Variants in TRPC6 observed in about 807,000 individuals in gnomAD.
TRPC6 encodes short transient receptor potential channel 6.
In TRPC6, 55 loss-of-function variants were observed where a neutral mutation model predicts 90.7. That is an observed-to-expected ratio of 0.61 (90% CI 0.49 to 0.76). The LOEUF (loss-of-function observed/expected upper bound fraction) is 0.76. Among genes scored for constraint, TRPC6 ranks in the 30% least tolerant of loss-of-function variants. TRPC6 has a pLI of 0.00. For missense variants in TRPC6, 989 were observed against 1,122.7 expected (o/e 0.88, Z 1.70); for synonymous variants, 393 against 393.0 (o/e 1.00, Z 0.00).
intron 1 of TRPC6, among the ~76,000 whole-genome samples, chr11:101,559,922 A>G (rs1419991831): frequency 2.0e-5 from 3 of 151,884 alleles, no homozygotes; most frequent in African/African-American, 7.3e-5. Flanking sequence ...GCTGAGAATG[A>G]TGGTTTCCAG....
intron 1 of TRPC6, among the ~76,000 whole-genome samples, chr11:101,521,523 G>A (rs1393673932): frequency 6.6e-6 from 1 of 152,248 alleles, no homozygotes; most frequent in Non-Finnish European, 1.5e-5. Flanking sequence ...GTGCTAAGGG[G>A]AAATGTGAGG....
At chr11:101,480,652 G>A (rs7117447) in intron 5 of TRPC6, among the ~76,000 whole-genome samples, 42,549 of 151,892 alleles carry the variant, frequency 0.28, 7,258 homozygotes, top group African/African-American at 0.48. Context: ...TAGGAAAATA[G>A]CACTTCTTGT....
chr11:101,551,657 T>C (rs2136842284), intron 1 of TRPC6, among the ~76,000 whole-genome samples: 1 of 152,078 alleles, frequency 6.6e-6, no homozygotes, highest in African/African-American at 2.4e-5. Flanking sequence ...TCTCTGCCAA[T>C]TAATGATTCA....
At chr11:101,482,140 G>A (rs1859565732) in intron 5 of TRPC6, among the ~76,000 whole-genome samples, 1 of 152,104 alleles carries the variant, frequency 6.6e-6, no homozygotes, top group South Asian at 2.1e-4. Flanking sequence ...TATAGCATTT[G>A]TCACATTGAA....
In TRPC6 at chr11:101,476,314, T is replaced by C. The variant is rs1859416505; in HGVS notation, c.1731A>G (p.Lys577=). Residue 577 remains lysine, a synonymous_variant, in exon 6 of 13, where the codon AAA becomes AAG. Transcript: ENST00000344327. ...CTGTAAACTCACCCAAATTGTAGTA[T>C]TTCACATTGTCTCCCAATGTTACTT... The part of the protein sequence containing the change: ...LTKVTLGDNV[K]YYNLARIKWD... 1 of 1,613,816 alleles carries C rather than the reference T, an allele frequency of 6.2e-7. No homozygotes were observed. Among genetic ancestry groups the C allele is most frequent in the South Asian group, 1.1e-5 (1 of 91,076 alleles).
intron 1 of TRPC6, among the ~76,000 whole-genome samples, chr11:101,522,162 A>G (rs944013220): frequency 2.0e-5 from 3 of 152,194 alleles, no homozygotes; most frequent in African/African-American, 7.2e-5. Context: ...TCTTCACTCA[A>G]ATCTCATGTT....
At chr11:101,470,690 T>G (rs1186951526) in intron 9 of TRPC6, among the ~76,000 whole-genome samples, 30 of 152,108 alleles carry the variant, frequency 2.0e-4, no homozygotes, top group Admixed American at 1.9e-3. Context: ...TCAATGTCCT[T>G]AGCTCTTTCT....
chr11:101,565,766 T>C (rs1228770230), intron 1 of TRPC6, among the ~76,000 whole-genome samples: 2 of 152,128 alleles, frequency 1.3e-5, no homozygotes, highest in Non-Finnish European at 2.9e-5. Context: ...TACCTGATCA[T>C]TGTACCCTAA....
chr11:101,535,630 G>A (rs2136808030), intron 1 of TRPC6, among the ~76,000 whole-genome samples: 1 of 152,216 alleles, frequency 6.6e-6, no homozygotes. Flanking sequence ...ATAATAGACT[G>A]TTTCTCCTTT....
At chr11:101,473,484 C>T (rs758421100) in intron 7 of TRPC6, 25 bp downstream of exon 7, 1 of 1,611,406 alleles carries the variant, frequency 6.2e-7, no homozygotes, top group South Asian at 1.1e-5. Flanking sequence ...CAATAACTAT[C>T]ATCAAAATAT....
rs535172526 is a variant in TRPC6, at chr11:101,535,509, T to C, written c.171-30711A>G. On this transcript the variant is annotated intron_variant, in intron 1 of 12. Transcript: ENST00000344327. ...AATGACACAGAACTTCAGAGGACTA[T>C]AGGGTCATTATTCTGAACCTTTATG... 3.3e-5 allele frequency among the ~76,000 whole-genome samples: 5 copies of C among 152,266 alleles called. No homozygotes were observed. The East Asian group carries it at 9.6e-4, about 29-fold the overall frequency.
chr11:101,506,717 T>C (rs532746113), intron 1 of TRPC6, among the ~76,000 whole-genome samples: 1 of 152,268 alleles, frequency 6.6e-6, no homozygotes, highest in African/African-American at 2.4e-5. Flanking sequence ...ATGCAACTTT[T>C]ATTATAAGAG....
At chr11:101,456,942 T>C (rs999063725) in intron 10 of TRPC6, among the ~76,000 whole-genome samples, 50 of 152,272 alleles carry the variant, frequency 3.3e-4, no homozygotes, top group African/African-American at 1.2e-3. Flanking sequence ...AAAAACTTAA[T>C]GATACAGAGA....
intron 4 of TRPC6, among the ~76,000 whole-genome samples, chr11:101,484,189 G>A (rs1859618387): frequency 6.6e-6 from 1 of 152,144 alleles, no homozygotes. Flanking sequence ...AAAAGGGCAG[G>A]TGCACTCAAA....
chr11:101,525,986 G>A (rs1860771009), intron 1 of TRPC6, among the ~76,000 whole-genome samples: 1 of 152,148 alleles, frequency 6.6e-6, no homozygotes, highest in Admixed American at 6.5e-5. Context: ...GGGATCCACA[G>A]TCCTTTGTAC....
At chr11:101,507,204 T>A (rs1860294700) in intron 1 of TRPC6, among the ~76,000 whole-genome samples, 1 of 152,070 alleles carries the variant, frequency 6.6e-6, no homozygotes, top group African/African-American at 2.4e-5. Flanking sequence ...CCCTATAACC[T>A]TAAACCTAAT....
intron 1 of TRPC6, among the ~76,000 whole-genome samples, chr11:101,507,226 CTCT>C (rs1813632248): frequency 6.6e-6 from 1 of 151,924 alleles, no homozygotes. Context: ...GATAAAAATT[CTCT>C]TCATTTTCTC....
At chr11:101,573,216 A>AC in intron 1 of TRPC6, among the ~76,000 whole-genome samples, 3 of 152,298 alleles carry the variant, frequency 2.0e-5, no homozygotes, top group East Asian at 3.9e-4. Flanking sequence ...CATTTCACAA[A>AC]TATTTCTTGA....
chr11:101,542,529 G>C (rs1404310215), intron 1 of TRPC6, among the ~76,000 whole-genome samples: 1 of 151,734 alleles, frequency 6.6e-6, no homozygotes, highest in Non-Finnish European at 1.5e-5. Flanking sequence ...ATGTATTTGG[G>C]TTTTGCATCC....
Sources: gnomAD v4.1 joint callset for allele counts (sites outside exome capture counted in the v4.1 genomes callset) on GRCh38, gnomAD v4.1.1 for gene constraint, MANE v1.5 for transcripts, NCBI Gene and HGNC (gene_info 2026-07-23, HGNC 2026-07-21) for gene names.